Variants in CSPP1 observed in about 807,000 individuals in gnomAD.
CSPP1 encodes the protein centrosome and spindle pole-associated protein 1.
Under a neutral mutation model 164.4 loss-of-function variants are expected in CSPP1, and 126 were observed. The ratio of observed to expected loss-of-function variants is 0.77; its 90% CI spans 0.66 to 0.89. CSPP1 has a LOEUF of 0.89. CSPP1 is among the 40% of genes least tolerant of loss of function. The probability of loss-of-function intolerance (pLI) is 0.00; values close to 1 mark genes in which losing one functional copy is unlikely to be tolerated. For missense variants in CSPP1, 1,395 were observed against 1,449.8 expected (o/e 0.96, Z 0.61); for synonymous variants, 472 against 476.7 (o/e 0.99, Z 0.13).
intron 9 of CSPP1, among the ~76,000 whole-genome samples, chr8:67,106,294 CT>C (rs567331696): frequency 1.2e-4 from 17 of 146,970 alleles, no homozygotes; most frequent in Admixed American, 3.4e-4. Flanking sequence ...TTTCAGTAAT[CT>C]TTTTTTTTTG....
intron 8 of CSPP1, among the ~76,000 whole-genome samples, chr8:67,104,883 G>T (rs11988175): frequency 0.082 from 11,956 of 145,412 alleles, 994 homozygotes; most frequent in African/African-American, 0.22. Context: ...CAGGTAATTC[G>T]CCCGCCTTGG....
chr8:67,169,049 G>T (rs1830013681), intron 24 of CSPP1, among the ~76,000 whole-genome samples: 1 of 152,140 alleles, frequency 6.6e-6, no homozygotes, highest in South Asian at 2.1e-4. Context: ...CAGGGGCATT[G>T]TCTGTGGGGA....
At chr8:67,194,705 T>C (rs550548018) in intron 30 of CSPP1, among the ~76,000 whole-genome samples, 136 of 147,802 alleles carry the variant, frequency 9.2e-4, no homozygotes, top group Non-Finnish European at 1.6e-3. Context: ...AAAAAAAGAA[T>C]ATGATATCAC....
chr8:67,102,965 TA>T, intron 7 of CSPP1, 71 bp from the exon 8 acceptor site: 2 of 843,608 alleles, frequency 2.4e-6, no homozygotes, highest in South Asian at 1.6e-5. Flanking sequence ...ACATCAAATG[TA>T]AAAACACCAA....
intron 9 of CSPP1, among the ~76,000 whole-genome samples, chr8:67,106,738 T>G (rs1815624584): frequency 6.6e-6 from 1 of 152,174 alleles, no homozygotes; most frequent in Admixed American, 6.5e-5. Context: ...GTGAAAACTG[T>G]TAGAAAAAAA....
rs758062860 is a variant in CSPP1, at chr8:67,095,223, G to A, written c.484-70G>A. On this transcript the variant is annotated intron_variant, in intron 6 of 30. Coordinates refer to ENST00000678616, the MANE Select transcript of CSPP1 (RefSeq NM_001382391.1). ...AAATGATAGACTAAGTATAAATTGAGGGTTTAATTACCTTATAAGAGATAG... is the reference window on the plus strand; with the variant it reads ...AAATGATAGACTAAGTATAAATTGAAGGTTTAATTACCTTATAAGAGATAG... 77 of 834,198 alleles carry A rather than the reference G, an allele frequency of 9.2e-5. 1 individual carries two copies. Among genetic ancestry groups the A allele is most frequent in the Middle Eastern group, 8.8e-4 (3 of 3,424 alleles). 51.7% of individuals were successfully genotyped at this position (834,198 alleles called of 1,614,324 possible).
chr8:67,192,218 G>A (rs771968882), intron 29 of CSPP1, among the ~76,000 whole-genome samples: 29 of 151,978 alleles, frequency 1.9e-4, no homozygotes, highest in Non-Finnish European at 3.1e-4. Flanking sequence ...GGGATTACAG[G>A]TGCATGCCAA....
intron 12 of CSPP1, chr8:67,115,269 AT>A (rs1817699404): frequency 6.6e-6 from 1 of 152,308 alleles, no homozygotes. Context: ...CTACAGGTAT[AT>A]TTAAAATTAA....
intron 15 of CSPP1, among the ~76,000 whole-genome samples, chr8:67,130,892 G>C (rs184945955): frequency 1.2e-4 from 19 of 152,220 alleles, no homozygotes; most frequent in African/African-American, 3.9e-4. Context: ...GGAGGCTGAG[G>C]CAGGAGAATC....
intron 18 of CSPP1, 85 bp downstream of exon 18, chr8:67,150,020 T>G: frequency 7.5e-7 from 1 of 1,332,284 alleles, no homozygotes; most frequent in Non-Finnish European, 9.9e-7. Flanking sequence ...ACTAAGTTCT[T>G]ATTGGGATCT....
Position 67,195,669 on chromosome 8 carries a change from C to CT in CSPP1, c.*80dup. 2 of 1,272,562 alleles carry CT rather than the reference C, an allele frequency of 1.6e-6. No individual in the cohort carries two copies. The highest frequency in any genetic ancestry group is 2.5e-5 in the East Asian group (1 of 40,436). 78.8% of individuals were successfully genotyped at this position (1,272,562 alleles called of 1,614,324 possible). On this transcript the variant is annotated 3_prime_UTR_variant, in exon 31 of 31. Coordinates refer to ENST00000678616, the MANE Select transcript of CSPP1 (RefSeq NM_001382391.1). ...AAATCTGTACCTTTAATATGTCCTA[C>CT]TTTTGGCCCCTACCTGAAAGTTACT...
rs191670819 is a variant in CSPP1, at chr8:67,153,928, T to A, written c.2129-96T>A. The A allele has an allele frequency of 0.015, 8,691 of 586,936 alleles. 189 individuals carry two copies. Among genetic ancestry groups the A allele is most frequent in the South Asian group, 0.036 (1,632 of 45,300 alleles). 36.4% of individuals were successfully genotyped at this position (586,936 alleles called of 1,614,324 possible). A position where few individuals can be genotyped will look rare whatever the true frequency, so the allele number is the denominator to read the frequency against. ...TTTAATCTTTGGACTTTTTTTTTTTTTAAAAATGAATTTATTAGCAAACTG... is the reference window on the plus strand; with the variant it reads ...TTTAATCTTTGGACTTTTTTTTTTTATAAAAATGAATTTATTAGCAAACTG... On this transcript the variant is annotated intron_variant, in intron 18 of 30. Transcript: ENST00000678616.
chr8:67,112,351 G>A (rs1428991961), intron 10 of CSPP1, among the ~76,000 whole-genome samples: 2 of 147,110 alleles, frequency 1.4e-5, no homozygotes, highest in African/African-American at 2.5e-5. Flanking sequence ...AGCATTTAAT[G>A]TTATAGATAT....
intron 3 of CSPP1, among the ~76,000 whole-genome samples, chr8:67,078,905 G>A (rs1025317588): frequency 1.3e-5 from 2 of 151,996 alleles, no homozygotes; most frequent in African/African-American, 4.8e-5. Context: ...CCTAGGAGGC[G>A]GAGGTTGCAG....
At chr8:67,108,516 C>T (rs1816123830) in intron 9 of CSPP1, among the ~76,000 whole-genome samples, 1 of 152,100 alleles carries the variant, frequency 6.6e-6, no homozygotes. Context: ...GTTGAATTCT[C>T]TATCTTGTCC....
At chr8:67,102,977 A>G in intron 7 of CSPP1, 60 bp from the exon 8 acceptor site, 1 of 939,616 alleles carries the variant, frequency 1.1e-6, no homozygotes, top group South Asian at 1.5e-5. Context: ...AAAACACCAA[A>G]CTGTTATAAG....
chr8:67,076,509 A>T lies in CSPP1; in HGVS notation c.127A>T (p.Asn43Tyr). 1 of 1,594,430 alleles carries T rather than the reference A, an allele frequency of 6.3e-7. No individual in the cohort carries two copies. The highest frequency in any genetic ancestry group is 1.2e-5 in the South Asian group (1 of 86,946). ...AAAGTTGTCAGCGAAGCTTTCTGAA[A>T]ACAGTAAGATACTGATCTCTATGGC... ...KGKLSAKLSE[N>Y]SKILISMAKE... Residue 43 changes from asparagine to tyrosine, a missense_variant, in exon 3 of 31, where the codon AAC (asparagine) becomes TAC (tyrosine). Asn to Tyr is a moderately radical substitution (Grantham distance 143, BLOSUM62 -2). Transcript: ENST00000678616.
At chr8:67,099,773 T>TAAAGGCCAATTTAGTAAATGA (rs1210756940) in intron 7 of CSPP1, among the ~76,000 whole-genome samples, 2 of 152,114 alleles carry the variant, frequency 1.3e-5, no homozygotes, top group Non-Finnish European at 2.9e-5. Context: ...ATTAGAAATA[T>TAAAGGCCAATTTAGTAAATGA]AAAGGCCAAT....
At position 67,195,654 on chromosome 8, in the gene CSPP1, CT is replaced by C; in HGVS notation, c.*64del. 7.0e-7 allele frequency: 1 copy of C among 1,432,554 alleles called. No homozygotes were observed. The highest frequency in any genetic ancestry group is 1.2e-5 in the South Asian group (1 of 84,534). The allele number at this position is 1,432,554 out of a possible 1,614,324, so 88.7% of individuals were successfully genotyped here. On this transcript the variant is annotated 3_prime_UTR_variant, in exon 31 of 31. Coordinates refer to ENST00000678616, the MANE Select transcript of CSPP1 (RefSeq NM_001382391.1). ...GGTGAAAGGAATGGTAAATCTGTACCTTTAATATGTCCTACTTTTGGCCCCT... is the reference window on the plus strand; with the variant it reads ...GGTGAAAGGAATGGTAAATCTGTACCTTAATATGTCCTACTTTTGGCCCCT...
Sources: gnomAD v4.1 joint callset for allele counts (sites outside exome capture counted in the v4.1 genomes callset) on GRCh38, gnomAD v4.1.1 for gene constraint, MANE v1.5 for transcripts, NCBI Gene and HGNC (gene_info 2026-07-23, HGNC 2026-07-21) for gene names.